Variants in ROBO1 observed in about 807,000 individuals in gnomAD.
ROBO1 encodes the protein roundabout homolog 1.
ROBO1 carries 149 observed loss-of-function variants against 195.9 expected under a neutral mutation model. That is an observed-to-expected ratio of 0.76 (90% confidence interval 0.67 to 0.87). The LOEUF is 0.87. Ranked by LOEUF, ROBO1 falls within the 40% of genes least tolerant of loss-of-function variation. The probability of loss-of-function intolerance (pLI) is 0.00; values close to 1 mark genes in which losing one functional copy is unlikely to be tolerated. For synonymous variants in ROBO1, 816 were observed against 733.2 expected (o/e 1.11, Z -1.82); for missense variants, 1,933 against 2,068.3 (o/e 0.93, Z 1.27).
At chr3:78,961,988 C>T (rs1387947707) in intron 3 of ROBO1, among the ~76,000 whole-genome samples, 1 of 150,772 alleles carries the variant, frequency 6.6e-6, no homozygotes. Context: ...TCGGTTTCTT[C>T]ATCCATAAAA....
chr3:78,711,767 G>GCCT (rs948539120), intron 8 of ROBO1, among the ~76,000 whole-genome samples: 3 of 150,702 alleles, frequency 2.0e-5, no homozygotes, highest in African/African-American at 7.3e-5. Flanking sequence ...GGGATTACAG[G>GCCT]CATGAGCCAC....
At chr3:79,044,699 G>C (rs996410000) in intron 3 of ROBO1, among the ~76,000 whole-genome samples, 1 of 151,918 alleles carries the variant, frequency 6.6e-6, no homozygotes. Flanking sequence ...AACACAGTCA[G>C]CTTTTTTTAA....
At chr3:79,323,041 T>C (rs1379794602) in intron 2 of ROBO1, among the ~76,000 whole-genome samples, 2 of 151,922 alleles carry the variant, frequency 1.3e-5, no homozygotes, top group African/African-American at 4.8e-5. Context: ...TATTATATTA[T>C]TTAAAAAATG....
intron 2 of ROBO1, among the ~76,000 whole-genome samples, chr3:79,163,997 C>T (rs923310086): frequency 2.6e-5 from 4 of 152,040 alleles, no homozygotes; most frequent in Admixed American, 6.6e-5. Flanking sequence ...TAAGATCTCA[C>T]CCTGCAATTA....
intron 2 of ROBO1, among the ~76,000 whole-genome samples, chr3:79,316,150 C>CT (rs922608448): frequency 2.0e-5 from 3 of 152,128 alleles, no homozygotes; most frequent in Admixed American, 1.3e-4. Context: ...TAGACAAACT[C>CT]TAAGATGAGA....
At chr3:79,338,851 G>T (rs998167534) in intron 2 of ROBO1, among the ~76,000 whole-genome samples, 1 of 152,038 alleles carries the variant, frequency 6.6e-6, no homozygotes, top group Non-Finnish European at 1.5e-5. Context: ...ACTCCACTCA[G>T]ATATGCTACT....
chr3:78,897,621 T>C (rs2037314872), intron 4 of ROBO1, among the ~76,000 whole-genome samples: 1 of 43,978 alleles, frequency 2.3e-5, no homozygotes, highest in Non-Finnish European at 4.3e-5. Flanking sequence ...TAAATGGCTA[T>C]CAGCCCTTTT....
rs188085813 is a variant in ROBO1, at chr3:79,067,031, T to C, written c.172+58425A>G. On this transcript the variant is annotated intron_variant, in intron 3 of 30. Transcript: ENST00000464233. ...GGCTTCTAGAGCTGACTAGATACCA[T>C]TAAAAAAATGTGTTTTTCTTGCTGT... Among the ~76,000 whole-genome samples the C allele has an allele frequency of 8.2e-3, 1,239 of 151,986 alleles. 18 individuals are homozygous for C. Among genetic ancestry groups the C allele is most frequent in the African/African-American group, 0.028 (1,175 of 41,504 alleles).
intron 2 of ROBO1, among the ~76,000 whole-genome samples, chr3:79,468,989 A>T (rs1262158642): frequency 2.0e-5 from 3 of 152,168 alleles, no homozygotes; most frequent in Admixed American, 6.6e-5. Flanking sequence ...CAAATTTCAT[A>T]AAAAAATGTA....
chr3:79,210,831 G>A (rs1576819790), intron 2 of ROBO1, among the ~76,000 whole-genome samples: 1 of 152,052 alleles, frequency 6.6e-6, no homozygotes, highest in African/African-American at 2.4e-5. Flanking sequence ...TGTATGGAAC[G>A]ATTAGCTTGT....
intron 2 of ROBO1, among the ~76,000 whole-genome samples, chr3:79,344,056 C>T (rs759191452): frequency 1.9e-4 from 29 of 152,112 alleles, no homozygotes; most frequent in Non-Finnish European, 2.1e-4. Context: ...TTTATGACTG[C>T]TCAGAGGCTA....
intron 2 of ROBO1, among the ~76,000 whole-genome samples, chr3:79,310,358 G>A (rs183420610): frequency 1.4e-3 from 215 of 152,116 alleles, no homozygotes; most frequent in African/African-American, 4.9e-3. Flanking sequence ...TCCTGGGACT[G>A]GGGGCCTTTT....
At chr3:79,091,405 G>A (rs1346658500) in intron 3 of ROBO1, among the ~76,000 whole-genome samples, 3 of 152,182 alleles carry the variant, frequency 2.0e-5, no homozygotes, top group Non-Finnish European at 4.4e-5. Context: ...CTGTACGTTA[G>A]TCTTGCATTA....
chr3:78,643,261 T>C (rs1177492705), intron 21 of ROBO1, among the ~76,000 whole-genome samples: 1 of 152,176 alleles, frequency 6.6e-6, no homozygotes, highest in African/African-American at 2.4e-5. Flanking sequence ...AGAAAATATG[T>C]AAACAAATGA....
At chr3:78,726,704 G>C (rs1410643187) in intron 5 of ROBO1, among the ~76,000 whole-genome samples, 9 of 152,092 alleles carry the variant, frequency 5.9e-5, no homozygotes, top group African/African-American at 2.2e-4. Flanking sequence ...TGCCTGGCGT[G>C]GCTTCTTAAC....
intron 3 of ROBO1, chr3:79,018,824 G>A (rs996247910): frequency 2.0e-6 from 2 of 1,015,456 alleles, no homozygotes; most frequent in Admixed American, 5.3e-5. Flanking sequence ...CCCACAATGT[G>A]CGGCCGAGCG....
chr3:79,551,340 C>T (rs115323806), intron 2 of ROBO1, among the ~76,000 whole-genome samples: 193 of 151,724 alleles, frequency 1.3e-3, no homozygotes, highest in African/African-American at 4.4e-3. Flanking sequence ...TTCCCCCCTC[C>T]CCCACCCCAC....
chr3:78,929,193 T>G (rs1231299084), intron 4 of ROBO1, among the ~76,000 whole-genome samples: 6 of 152,144 alleles, frequency 3.9e-5, no homozygotes, highest in African/African-American at 1.4e-4. Flanking sequence ...CAACACAATT[T>G]AAAATGCGAC....
chr3:78,700,656 T>C (rs2081398000), intron 8 of ROBO1, among the ~76,000 whole-genome samples: 1 of 152,120 alleles, frequency 6.6e-6, no homozygotes, highest in African/African-American at 2.4e-5. Flanking sequence ...ATTCAATATC[T>C]CGATTTTGCA....
Sources: allele counts gnomAD v4.1 joint callset (sites outside exome capture counted in the v4.1 genomes callset), GRCh38; gene constraint gnomAD v4.1.1; transcripts MANE v1.5; gene names NCBI Gene and HGNC (gene_info 2026-07-23, HGNC 2026-07-21).